The following MYO3B variants were observed in gnomAD, a reference collection of about 807,000 sequenced individuals.
The protein encoded by MYO3B is myosin IIIB.
Under a neutral mutation model 174.6 loss-of-function variants are expected in MYO3B, and 156 were observed. That is an observed-to-expected ratio of 0.89 (90% CI 0.78 to 1.02). MYO3B has a LOEUF of 1.02. Ranked by LOEUF, MYO3B falls within the 50% of genes least tolerant of loss-of-function variation. The pLI is 0.00. For missense variants in MYO3B, 1,632 were observed against 1,639.4 expected, an observed-to-expected ratio of 1.00 and a Z score of 0.08; for synonymous variants, 563 against 569.1, an observed-to-expected ratio of 0.99 and a Z score of 0.15.
At chr2:170,636,077 C>A (rs987835057) in intron 32 of MYO3B, among the ~76,000 whole-genome samples, 1 of 152,180 alleles carries the variant, frequency 6.6e-6, no homozygotes, top group Non-Finnish European at 1.5e-5. Flanking sequence ...ATGATTAATG[C>A]ATTATTGGAT....
At chr2:170,536,322 C>T (rs535325272) in intron 30 of MYO3B, among the ~76,000 whole-genome samples, 70 of 152,290 alleles carry the variant, frequency 4.6e-4, no homozygotes, top group African/African-American at 1.6e-3. Context: ...TGAATTTATC[C>T]TTGAGCCATG....
intron 22 of MYO3B, among the ~76,000 whole-genome samples, chr2:170,417,645 C>T (rs1040010248): frequency 1.3e-5 from 2 of 152,182 alleles, no homozygotes; most frequent in East Asian, 1.9e-4. Flanking sequence ...TCTCCTGGCT[C>T]CCAGTGGTTT....
chr2:170,334,904 G>A (rs1008285007), intron 7 of MYO3B: 1 of 153,138 alleles, frequency 6.5e-6, no homozygotes, highest in South Asian at 2.1e-4. Flanking sequence ...TGATACATAG[G>A]AGATAGTTAA....
At chr2:170,260,444 A>T (rs916701064) in intron 7 of MYO3B, among the ~76,000 whole-genome samples, 1 of 152,268 alleles carries the variant, frequency 6.6e-6, no homozygotes, top group African/African-American at 2.4e-5. Flanking sequence ...TAAGTGAATT[A>T]GTGCAGAAAC....
chr2:170,438,560 G>A (rs1454590438), intron 22 of MYO3B, among the ~76,000 whole-genome samples: 1 of 152,072 alleles, frequency 6.6e-6, no homozygotes, highest in Non-Finnish European at 1.5e-5. Context: ...AGTGCAGAGA[G>A]TTCTAATTTC....
At chr2:170,632,161 C>A (rs1259443836) in intron 32 of MYO3B, among the ~76,000 whole-genome samples, 1 of 152,166 alleles carries the variant, frequency 6.6e-6, no homozygotes, top group Admixed American at 6.5e-5. Flanking sequence ...ACTCTCCACC[C>A]CAAATCAACA....
chr2:170,545,549 CA>C (rs1449155534), intron 32 of MYO3B, among the ~76,000 whole-genome samples: 1 of 152,068 alleles, frequency 6.6e-6, no homozygotes, highest in Non-Finnish European at 1.5e-5. Context: ...TGTGATAGTT[CA>C]GGGGAAGTAA....
chr2:170,311,000 T>C (rs2093735395), intron 7 of MYO3B, among the ~76,000 whole-genome samples: 1 of 152,190 alleles, frequency 6.6e-6, no homozygotes, highest in Non-Finnish European at 1.5e-5. Flanking sequence ...TCCATTCAGA[T>C]GGTTGCGGGG....
chr2:170,578,632 C>T (rs892821033), intron 32 of MYO3B, among the ~76,000 whole-genome samples: 2 of 152,210 alleles, frequency 1.3e-5, no homozygotes, highest in Non-Finnish European at 2.9e-5. Flanking sequence ...TATTCAACGT[C>T]CTAGTGTGTT....
At chr2:170,238,617 G>A (rs13403243) in intron 7 of MYO3B, among the ~76,000 whole-genome samples, 1 of 151,462 alleles carries the variant, frequency 6.6e-6, no homozygotes, top group Non-Finnish European at 1.5e-5. Flanking sequence ...TTCTTTACTG[G>A]AAATAAATTG....
At chr2:170,240,536 G>A (rs1465560452) in intron 7 of MYO3B, among the ~76,000 whole-genome samples, 1 of 152,126 alleles carries the variant, frequency 6.6e-6, no homozygotes, top group Non-Finnish European at 1.5e-5. Flanking sequence ...TGACTCTAAA[G>A]CCCACATGTT....
intron 25 of MYO3B, among the ~76,000 whole-genome samples, chr2:170,497,514 G>A (rs561097856): frequency 7.2e-5 from 11 of 152,216 alleles, no homozygotes; most frequent in African/African-American, 2.6e-4. Context: ...TACTCAGGAC[G>A]CTGAGAGGCA....
At chr2:170,471,393 T>A (rs1351752517) in intron 25 of MYO3B, among the ~76,000 whole-genome samples, 1 of 152,184 alleles carries the variant, frequency 6.6e-6, no homozygotes, top group Non-Finnish European at 1.5e-5. Context: ...CAAAATTTTT[T>A]AATTTTGATG....
At chr2:170,217,498 G>C (rs6713360) in intron 6 of MYO3B, 103 bp downstream of exon 6, 337,893 of 957,312 alleles carry the variant, frequency 0.35, 63,308 homozygotes, top group Admixed American at 0.52. Flanking sequence ...TTAGGGAGAA[G>C]AAAGTCCATT....
intron 23 of MYO3B, among the ~76,000 whole-genome samples, chr2:170,450,281 C>T (rs1417179519): frequency 6.6e-6 from 1 of 152,100 alleles, no homozygotes; most frequent in Non-Finnish European, 1.5e-5. Flanking sequence ...ATCATTTTTG[C>T]ACTTTAGGGG....
chr2:170,267,439 G>A (rs1410725854), intron 7 of MYO3B, among the ~76,000 whole-genome samples: 1 of 152,172 alleles, frequency 6.6e-6, no homozygotes, highest in Admixed American at 6.5e-5. Flanking sequence ...AAGAGAATTG[G>A]TTTGGCAGAC....
intron 32 of MYO3B, among the ~76,000 whole-genome samples, chr2:170,597,220 A>C (rs550425245): frequency 3.3e-5 from 5 of 151,950 alleles, no homozygotes; most frequent in Non-Finnish European, 7.4e-5. Flanking sequence ...AAATACAAAC[A>C]AAATTAGCCG....
rs1418671210 is a variant in MYO3B at position 170,206,043 on chromosome 2, C to T, written c.321+5759C>T. ...ATTCCCTGTCATTGGCCTTCCTCCT[C>T]CATCTCCCTGCCCCAGGATTCTGGC... On this transcript the variant is annotated intron_variant, in intron 3 of 34. Coordinates refer to ENST00000408978, the MANE Select transcript of MYO3B (RefSeq NM_138995.5). This position sits in a 1 kb window ranked among gnomAD's most constrained non-coding sequence, Gnocchi z 4.3. Among the ~76,000 whole-genome samples, 2 of 152,150 alleles carry T rather than the reference C, an allele frequency of 1.3e-5. No homozygotes were observed. The highest frequency in any genetic ancestry group is 2.9e-5 in the Non-Finnish European group (2 of 68,018).
chr2:170,626,684 A>G (rs2105358854), intron 32 of MYO3B, among the ~76,000 whole-genome samples: 1 of 152,316 alleles, frequency 6.6e-6, no homozygotes, highest in African/African-American at 2.4e-5. Context: ...AGTGGCTGGT[A>G]CCAGTTGTTC....
Sources: allele counts gnomAD v4.1 joint callset (sites outside exome capture counted in the v4.1 genomes callset), GRCh38; gene constraint gnomAD v4.1.1; non-coding constraint Gnocchi (gnomAD v3.1); transcripts MANE v1.5; gene names NCBI Gene and HGNC (gene_info 2026-07-23, HGNC 2026-07-21).